The following TMEM108 variants were observed in gnomAD, a reference collection of about 807,000 sequenced individuals.
TMEM108 encodes transmembrane protein 108, also known as cancer/testis antigen 124.
TMEM108 carries 12 observed loss-of-function variants against 35.1 expected under a neutral mutation model. The ratio of observed to expected loss-of-function variants is 0.34; its 90% CI spans 0.22 to 0.55. The LOEUF is 0.55. Among genes scored for constraint, TMEM108 ranks in the 20% least tolerant of loss-of-function variants. The probability of loss-of-function intolerance (pLI) is 0.89; values close to 1 mark genes in which losing one functional copy is unlikely to be tolerated. For missense variants in TMEM108, 680 were observed against 753.3 expected, an observed-to-expected ratio of 0.90 and a Z score of 1.14; for synonymous variants, 287 against 308.6, an observed-to-expected ratio of 0.93 and a Z score of 0.73.
At chr3:133,163,892 C>T (rs1315090880) in intron 2 of TMEM108, among the ~76,000 whole-genome samples, 4 of 152,124 alleles carry the variant, frequency 2.6e-5, no homozygotes, top group Non-Finnish European at 1.5e-5. Flanking sequence ...TGGTGAAGGC[C>T]CCAGTTTGTT....
intron 3 of TMEM108, among the ~76,000 whole-genome samples, chr3:133,289,282 T>C (rs1053913489): frequency 8.5e-5 from 13 of 152,178 alleles, no homozygotes; most frequent in Non-Finnish European, 1.5e-4. Context: ...GAGGTAGATA[T>C]TATTCTTGTC....
At chr3:133,052,075 C>T (rs552280737) in intron 2 of TMEM108, among the ~76,000 whole-genome samples, 5 of 152,044 alleles carry the variant, frequency 3.3e-5, no homozygotes, top group Non-Finnish European at 1.5e-5. Flanking sequence ...TTCTACAGAT[C>T]GAATTGAGAA....
At chr3:133,374,744 G>A (rs1405157244) in intron 3 of TMEM108, among the ~76,000 whole-genome samples, 3 of 152,024 alleles carry the variant, frequency 2.0e-5, no homozygotes, top group African/African-American at 7.3e-5. Context: ...TTAATTTACT[G>A]GGTTGTTAAA....
intron 2 of TMEM108, among the ~76,000 whole-genome samples, chr3:133,187,880 C>G: frequency 2.9e-5 from 1 of 34,766 alleles, no homozygotes; most frequent in South Asian, 8.5e-4. Flanking sequence ...GTAACGGTTG[C>G]TGCAAAAAAA....
chr3:133,053,885 A>G (rs539273916), intron 2 of TMEM108, among the ~76,000 whole-genome samples: 187 of 152,350 alleles, frequency 1.2e-3, no homozygotes, highest in Admixed American at 2.4e-3. Flanking sequence ...TGTATAGACC[A>G]AACTCCAAAA....
rs59215786 is a variant in TMEM108, at chr3:133,310,530, C to CTTTTTTTTTTTTTT, written c.41-69206_41-69193dup. Among the ~76,000 whole-genome samples, 4 of 22,250 alleles carry CTTTTTTTTTTTTTT rather than the reference C, an allele frequency of 1.8e-4. 1 individual carries two copies. Among genetic ancestry groups the CTTTTTTTTTTTTTT allele is most frequent in the Non-Finnish European group, 3.3e-4 (4 of 12,236 alleles). 14.6% of individuals were successfully genotyped at this position (22,250 alleles called of 152,430 possible). A position where few individuals can be genotyped will look rare whatever the true frequency, so the allele number is the denominator to read the frequency against. On this transcript the variant is annotated intron_variant, in intron 3 of 5. Transcript: ENST00000321871. ...TCAGAGACTAGGATTGCAACCCCTG[C>CTTTTTTTTTTTTTT]TTTTTTTTTTTTTTTTTTTTTTTTT...
chr3:133,082,809 G>A (rs1943829285), intron 2 of TMEM108, among the ~76,000 whole-genome samples: 1 of 152,000 alleles, frequency 6.6e-6, no homozygotes, highest in South Asian at 2.1e-4. Context: ...GCACCACTGT[G>A]CTTGGCTAAT....
At chr3:133,240,094 G>C (rs1478455141) in intron 3 of TMEM108, among the ~76,000 whole-genome samples, 1 of 152,164 alleles carries the variant, frequency 6.6e-6, no homozygotes, top group Non-Finnish European at 1.5e-5. Flanking sequence ...TTTAGAACTT[G>C]ATTTTATAAG....
intron 3 of TMEM108, among the ~76,000 whole-genome samples, chr3:133,272,313 T>G (rs62278979): frequency 0.4 from 39,111 of 97,844 alleles, 5,709 homozygotes; most frequent in East Asian, 0.54. Flanking sequence ...GTGTGTGTGT[T>G]TCCTAAAGGA....
At chr3:133,195,237 T>C (rs1945559946) in intron 2 of TMEM108, among the ~76,000 whole-genome samples, 1 of 152,172 alleles carries the variant, frequency 6.6e-6, no homozygotes, top group African/African-American at 2.4e-5. Flanking sequence ...CTGAAGGTAA[T>C]ACCGTGTCTC....
intron 3 of TMEM108, among the ~76,000 whole-genome samples, chr3:133,238,226 A>T (rs557248532): frequency 1.3e-5 from 2 of 152,144 alleles, no homozygotes; most frequent in Non-Finnish European, 1.5e-5. Flanking sequence ...CTGATTATAC[A>T]TGTGCTTGTT....
intron 3 of TMEM108, among the ~76,000 whole-genome samples, chr3:133,256,869 G>A (rs1946554950): frequency 6.6e-6 from 1 of 152,150 alleles, no homozygotes; most frequent in African/African-American, 2.4e-5. Context: ...TTCACTTCAT[G>A]AAATTACTAT....
At chr3:133,074,273 C>G (rs532702949) in intron 2 of TMEM108, 1 of 151,874 alleles carries the variant, frequency 6.6e-6, no homozygotes, top group South Asian at 2.1e-4. Context: ...TCATTTGATT[C>G]CCCCCCAACA....
intron 2 of TMEM108, chr3:133,120,742 A>G (rs904691557): frequency 1.3e-5 from 2 of 152,158 alleles, no homozygotes; most frequent in Non-Finnish European, 2.9e-5. Context: ...TATGCTAGGC[A>G]CTCTTAGAAG....
chr3:133,121,813 A>C (rs1408653382), intron 2 of TMEM108, among the ~76,000 whole-genome samples: 3 of 152,196 alleles, frequency 2.0e-5, no homozygotes, highest in Non-Finnish European at 4.4e-5. Flanking sequence ...TTGTAAGAAA[A>C]AAGTAGGAGG....
intron 3 of TMEM108, among the ~76,000 whole-genome samples, chr3:133,312,550 A>C (rs533965729): frequency 1.3e-5 from 2 of 152,340 alleles, no homozygotes; most frequent in South Asian, 4.1e-4. Flanking sequence ...ATGGGAGAGA[A>C]TCTCCTGGTC....
intron 2 of TMEM108, among the ~76,000 whole-genome samples, chr3:133,198,071 GC>G (rs1945605764): frequency 6.6e-6 from 1 of 152,172 alleles, no homozygotes; most frequent in South Asian, 2.1e-4. Context: ...CAGGCGTCAT[GC>G]CCCTGAGGTA....
Position 133,380,132 on chromosome 3 carries a change from A to G in TMEM108, c.421A>G (p.Ile141Val), listed in dbSNP as rs2072962158. 6.2e-7 allele frequency: 1 copy of G among 1,613,306 alleles called. No individual in the cohort carries two copies. Among genetic ancestry groups the G allele is most frequent in the East Asian group, 2.2e-5 (1 of 44,828 alleles). ...CCCTCGAGGGCAGGCTGCCCCCACC[A>G]TCCTGCTGACAAAGCCACCGGGGGC... is the stretch of plus-strand genomic sequence containing the variant. ...GRPRGQAAPT[I>V]LLTKPPGATS... The change falls in exon 4 of 6, where the codon ATC (isoleucine) becomes GTC (valine). Residue 141 changes from isoleucine to valine, a missense_variant. Ile to Val is a conservative substitution (Grantham distance 29, BLOSUM62 3). Coordinates refer to ENST00000321871, the MANE Select transcript of TMEM108 (RefSeq NM_023943.4). The surrounding 1 kb of genome is among the most constrained non-coding windows in gnomAD (Gnocchi z 5.3).
chr3:133,313,791 G>T (rs1167918177), intron 3 of TMEM108, among the ~76,000 whole-genome samples: 1 of 152,022 alleles, frequency 6.6e-6, no homozygotes, highest in Non-Finnish European at 1.5e-5. Flanking sequence ...AGCACGTTTA[G>T]ATTTTTCTCA....
Sources: gnomAD v4.1 joint callset for allele counts (sites outside exome capture counted in the v4.1 genomes callset) on GRCh38, gnomAD v4.1.1 for gene constraint, Gnocchi (gnomAD v3.1) non-coding constraint, MANE v1.5 for transcripts, NCBI Gene and HGNC (gene_info 2026-07-23, HGNC 2026-07-21) for gene names.